Variants in GDPD4 observed in about 807,000 individuals in gnomAD.
GDPD4 encodes the protein glycerophosphodiester phosphodiesterase 6.
In GDPD4, 60 loss-of-function variants were observed where a neutral mutation model predicts 67.8. The ratio of observed to expected loss-of-function variants is 0.88; its 90% CI spans 0.72 to 1.10. The LOEUF is 1.10. Ranked by LOEUF, GDPD4 falls within the 50% of genes least tolerant of loss-of-function variation. The probability of loss-of-function intolerance (pLI) is 0.00; values close to 1 mark genes in which losing one functional copy is unlikely to be tolerated. For missense variants in GDPD4, 623 were observed against 613.9 expected, an observed-to-expected ratio of 1.01 and a Z score of -0.16; for synonymous variants, 212 against 210.9, an observed-to-expected ratio of 1.00 and a Z score of -0.04.
At chr11:77,262,591 C>T (rs922212706) in intron 10 of GDPD4, among the ~76,000 whole-genome samples, 1 of 152,060 alleles carries the variant, frequency 6.6e-6, no homozygotes, top group Non-Finnish European at 1.5e-5. Context: ...AGATGTTTTT[C>T]AGATCCCATA....
At chr11:77,232,456 G>A (rs1404012246) in intron 14 of GDPD4, among the ~76,000 whole-genome samples, 2 of 152,226 alleles carry the variant, frequency 1.3e-5, no homozygotes, top group African/African-American at 2.4e-5. Context: ...GGCTGGGATC[G>A]TAAACCAGGT....
chr11:77,229,461 ACACCTTTCATCT>A (rs1195201723), intron 14 of GDPD4, among the ~76,000 whole-genome samples: 4 of 152,184 alleles, frequency 2.6e-5, no homozygotes, highest in East Asian at 1.9e-4. Context: ...AGAACACTTC[ACACCTTTCATCT>A]CACCTTTCAT....
chr11:77,260,475 C>G (rs899640250), intron 10 of GDPD4, among the ~76,000 whole-genome samples: 1 of 152,036 alleles, frequency 6.6e-6, no homozygotes, highest in Non-Finnish European at 1.5e-5. Context: ...TTAAAGGATA[C>G]AAGATATAGC....
At chr11:77,269,387 T>C (rs754271620) in intron 8 of GDPD4, among the ~76,000 whole-genome samples, 7 of 152,120 alleles carry the variant, frequency 4.6e-5, no homozygotes, top group Non-Finnish European at 8.8e-5. Flanking sequence ...GAGCAGCTTC[T>C]CAGGAGGAGG....
intron 16 of GDPD4, among the ~76,000 whole-genome samples, chr11:77,225,597 GAA>G (rs1240866181): frequency 6.6e-6 from 1 of 152,000 alleles, no homozygotes; most frequent in African/African-American, 2.4e-5. Context: ...GTAGCCAGAG[GAA>G]AAAAGACACG....
chr11:77,234,924 C>T (rs1958521676), intron 13 of GDPD4, among the ~76,000 whole-genome samples: 1 of 150,686 alleles, frequency 6.6e-6, no homozygotes, highest in South Asian at 2.1e-4. Flanking sequence ...AATCTCTAAA[C>T]TGCTTTCCCC....
intron 13 of GDPD4, 134 bp downstream of exon 13, chr11:77,243,560 G>T (rs374536694): frequency 5.3e-6 from 4 of 760,896 alleles, no homozygotes; most frequent in East Asian, 2.6e-5. Flanking sequence ...GTAGGAAAAA[G>T]AAAGGAGATT....
At chr11:77,270,561 CA>C (rs1959207643) in intron 7 of GDPD4, among the ~76,000 whole-genome samples, 1 of 151,990 alleles carries the variant, frequency 6.6e-6, no homozygotes, top group Non-Finnish European at 1.5e-5. Context: ...ATTAAAAATA[CA>C]ACCAGGCGTG....
chr11:77,234,910 G>A (rs572539908), intron 13 of GDPD4, among the ~76,000 whole-genome samples: 1 of 150,480 alleles, frequency 6.6e-6, no homozygotes, highest in South Asian at 2.1e-4. Flanking sequence ...TTAGTTCTTT[G>A]AGAAATCTCT....
chr11:77,300,552 G>A (rs1938124599), intron 1 of GDPD4, among the ~76,000 whole-genome samples: 1 of 151,438 alleles, frequency 6.6e-6, no homozygotes, highest in Non-Finnish European at 1.5e-5. Context: ...AACAGAATAA[G>A]CAGAAAAAAA....
At chr11:77,276,916 G>GA (rs201663811) in intron 4 of GDPD4, among the ~76,000 whole-genome samples, 23 of 148,318 alleles carry the variant, frequency 1.6e-4, no homozygotes, top group African/African-American at 4.7e-4. Flanking sequence ...ATTCTTATTT[G>GA]AAAAAAAAAT....
At position 77,243,755 on chromosome 11, in the gene GDPD4, C is replaced by T; in HGVS notation, c.1180G>A (p.Ala394Thr). 1 of 1,611,736 alleles carries T rather than the reference C, an allele frequency of 6.2e-7. No homozygotes were observed. Among genetic ancestry groups the T allele is most frequent in the East Asian group, 2.2e-5 (1 of 44,870 alleles). ...TTTATTATACTGATATTGTTTTTAGCAAGGGTTTCAATGGATACTAAACGG... is the reference window on the plus strand; with the variant it reads ...TTTATTATACTGATATTGTTTTTAGTAAGGGTTTCAATGGATACTAAACGG... ...VGRLVSIETL[A>T]KNNISIINVD... is the part of the protein sequence containing the mutation. The change falls in exon 13 of 17, where the codon GCT becomes ACT. Residue 394 changes from alanine (A) to threonine (T), a missense_variant. Ala to Thr is a moderately conservative substitution (Grantham distance 58). Coordinates refer to ENST00000315938, the MANE Select transcript of GDPD4 (RefSeq NM_182833.3).
At chr11:77,218,766 C>T (rs1051259268) in intron 16 of GDPD4, among the ~76,000 whole-genome samples, 10 of 152,192 alleles carry the variant, frequency 6.6e-5, no homozygotes, top group African/African-American at 2.4e-4. Flanking sequence ...ATATGTGCTA[C>T]ATTTTCTTAA....
intron 16 of GDPD4, among the ~76,000 whole-genome samples, chr11:77,226,670 C>CAAT (rs1472243930): frequency 6.6e-6 from 1 of 150,496 alleles, no homozygotes; most frequent in African/African-American, 2.5e-5. Context: ...CTGATATAAT[C>CAAT]ATAAACTAGC....
chr11:77,277,466 G>A (rs1228403805), intron 4 of GDPD4, among the ~76,000 whole-genome samples: 4 of 132,090 alleles, frequency 3.0e-5, no homozygotes, highest in Admixed American at 2.6e-4. Context: ...AGTGTGGCTC[G>A]ATCTCGGCTC....
At chr11:77,250,561 G>A (rs1958871319) in intron 11 of GDPD4, among the ~76,000 whole-genome samples, 1 of 152,146 alleles carries the variant, frequency 6.6e-6, no homozygotes, top group African/African-American at 2.4e-5. Context: ...AATTTGTTGA[G>A]ATTTGTTTTG....
At chr11:77,293,909 G>A (rs1783588181) in intron 1 of GDPD4, among the ~76,000 whole-genome samples, 1 of 152,104 alleles carries the variant, frequency 6.6e-6, no homozygotes, top group South Asian at 2.1e-4. Context: ...GTCCTAGCCA[G>A]TGCAATAAGG....
chr11:77,251,232 T>A (rs1020979932), intron 11 of GDPD4, among the ~76,000 whole-genome samples: 1 of 152,206 alleles, frequency 6.6e-6, no homozygotes, highest in African/African-American at 2.4e-5. Context: ...TTGTTTTTCA[T>A]TTCAGTCTGA....
At chr11:77,246,618 G>A (rs1958789439) in intron 11 of GDPD4, among the ~76,000 whole-genome samples, 1 of 152,112 alleles carries the variant, frequency 6.6e-6, no homozygotes, top group Admixed American at 6.6e-5. Context: ...TAGAGGAGAG[G>A]AAGAATAACC....
Sources: allele counts gnomAD v4.1 joint callset (sites outside exome capture counted in the v4.1 genomes callset), GRCh38; gene constraint gnomAD v4.1.1; transcripts MANE v1.5; gene names NCBI Gene and HGNC (gene_info 2026-07-23, HGNC 2026-07-21).